The following PTPRD variants were observed in gnomAD, a reference collection of about 807,000 sequenced individuals.
PTPRD encodes protein tyrosine phosphatase receptor type D, also known as receptor-type tyrosine-protein phosphatase delta.
PTPRD carries 34 observed loss-of-function variants against 214.5 expected under a neutral mutation model. The ratio of observed to expected loss-of-function variants is 0.16; its 90% CI spans 0.12 to 0.21. The LOEUF is 0.21. PTPRD is among the 10% of genes least tolerant of loss of function. PTPRD has a pLI of 1.00. For missense variants in PTPRD, 2,545 were observed against 2,398.7 expected, an observed-to-expected ratio of 1.06 and a Z score of -1.27; for synonymous variants, 1,128 against 845.7, an observed-to-expected ratio of 1.33 and a Z score of -5.79.
intron 39 of PTPRD, among the ~76,000 whole-genome samples, chr9:8,367,274 C>A (rs1233589453): frequency 1.3e-5 from 2 of 151,788 alleles, no homozygotes; most frequent in Non-Finnish European, 2.9e-5. Flanking sequence ...TCGTTTGGAC[C>A]CAATAATTCT....
chr9:10,074,400 G>C (rs1052489311), intron 3 of PTPRD, among the ~76,000 whole-genome samples: 15 of 152,076 alleles, frequency 9.9e-5, no homozygotes, highest in African/African-American at 3.1e-4. Context: ...CTCTATTCCA[G>C]TCCCTCATCA....
intron 7 of PTPRD, among the ~76,000 whole-genome samples, chr9:9,615,170 G>T (rs968020990): frequency 2.0e-5 from 3 of 152,144 alleles, no homozygotes; most frequent in African/African-American, 7.2e-5. Context: ...TGGACTCCCT[G>T]GGCAAGCCCT....
intron 3 of PTPRD, among the ~76,000 whole-genome samples, chr9:10,184,739 G>T (rs960695154): frequency 1.2e-4 from 18 of 152,050 alleles, no homozygotes; most frequent in Non-Finnish European, 2.2e-4. Flanking sequence ...AATATGTGGG[G>T]GCAGAATAAG....
chr9:8,651,288 G>A (rs1000891191), intron 12 of PTPRD, among the ~76,000 whole-genome samples: 1 of 152,086 alleles, frequency 6.6e-6, no homozygotes, highest in African/African-American at 2.4e-5. Context: ...GAGCTATTTG[G>A]GGGTACAAAA....
At chr9:9,464,273 C>G (rs1407080567) in intron 8 of PTPRD, among the ~76,000 whole-genome samples, 1 of 152,132 alleles carries the variant, frequency 6.6e-6, no homozygotes, top group East Asian at 1.9e-4. Context: ...GGTAATCTTT[C>G]AACCTTTTCT....
chr9:9,004,125 A>C (rs916893831), intron 11 of PTPRD, among the ~76,000 whole-genome samples: 8 of 152,018 alleles, frequency 5.3e-5, no homozygotes, highest in Non-Finnish European at 1.5e-5. Context: ...GTTTGAAAGA[A>C]TTTAAGGTAA....
intron 8 of PTPRD, among the ~76,000 whole-genome samples, chr9:9,528,138 G>A (rs113010975): frequency 0.015 from 2,332 of 152,322 alleles, 51 homozygotes; most frequent in African/African-American, 0.053. Context: ...ACAGGGCAGA[G>A]TAAGAGAGAG....
chr9:9,296,259 T>C (rs986468921), intron 9 of PTPRD, among the ~76,000 whole-genome samples: 1 of 151,784 alleles, frequency 6.6e-6, no homozygotes, highest in Non-Finnish European at 1.5e-5. Flanking sequence ...ATTTTGACTT[T>C]ATATCTCCTT....
intron 3 of PTPRD, among the ~76,000 whole-genome samples, chr9:10,130,732 G>T (rs2098862857): frequency 6.6e-6 from 1 of 152,028 alleles, no homozygotes; most frequent in Non-Finnish European, 1.5e-5. Flanking sequence ...ACAAGAAAGG[G>T]TATTATGCTA....
chr9:9,071,970 C>G (rs1013610402), intron 10 of PTPRD, among the ~76,000 whole-genome samples: 2 of 152,140 alleles, frequency 1.3e-5, no homozygotes, highest in Non-Finnish European at 2.9e-5. Context: ...AGTCTTGCTT[C>G]ACACATCACA....
intron 7 of PTPRD, among the ~76,000 whole-genome samples, chr9:9,715,745 G>C (rs1595883110): frequency 6.6e-6 from 1 of 152,142 alleles, no homozygotes; most frequent in Non-Finnish European, 1.5e-5. Context: ...ATTTCAAAGA[G>C]AGGTTAATCA....
At chr9:9,029,585 A>T (rs1195007516) in intron 10 of PTPRD, among the ~76,000 whole-genome samples, 2 of 151,936 alleles carry the variant, frequency 1.3e-5, no homozygotes, top group African/African-American at 4.8e-5. Context: ...CTAGGCATGG[A>T]GACAGGAAGA....
At chr9:9,922,019 G>A (rs2082690918) in intron 5 of PTPRD, among the ~76,000 whole-genome samples, 1 of 152,092 alleles carries the variant, frequency 6.6e-6, no homozygotes, top group Admixed American at 6.6e-5. Context: ...AAATTGTGGA[G>A]GATGGGAAGC....
intron 2 of PTPRD, among the ~76,000 whole-genome samples, chr9:10,466,052 C>T (rs1031928638): frequency 6.6e-6 from 1 of 152,168 alleles, no homozygotes; most frequent in African/African-American, 2.4e-5. Context: ...TAGCAATTCT[C>T]AATTTGCAGT....
chr9:10,103,794 T>C (rs113452832), intron 3 of PTPRD, among the ~76,000 whole-genome samples: 242 of 151,744 alleles, frequency 1.6e-3, no homozygotes, highest in African/African-American at 5.5e-3. Context: ...CAATATATCA[T>C]GTTCTTGCTT....
intron 24 of PTPRD, among the ~76,000 whole-genome samples, 171 bp downstream of exon 24, chr9:8,500,583 A>AAAAAAAAAAAAAAAAAAAAAAG (rs1563868169): frequency 2.7e-5 from 4 of 146,318 alleles, no homozygotes; most frequent in African/African-American, 7.6e-5. Flanking sequence ...AAAAAAAAAA[A>AAAAAAAAAAAAAAAAAAAAAAG]AAAAAAAGGC....
intron 3 of PTPRD, among the ~76,000 whole-genome samples, chr9:10,106,685 T>C (rs1046963345): frequency 6.6e-6 from 1 of 151,724 alleles, no homozygotes; most frequent in African/African-American, 2.4e-5. Flanking sequence ...GAGATGTATT[T>C]AGAAAAAAAA....
At chr9:9,765,143 G>T (rs1179704928) in intron 6 of PTPRD, among the ~76,000 whole-genome samples, 1 of 152,006 alleles carries the variant, frequency 6.6e-6, no homozygotes, top group African/African-American at 2.4e-5. Flanking sequence ...TATGGAAAAT[G>T]ACCAAAAAAT....
intron 10 of PTPRD, among the ~76,000 whole-genome samples, chr9:9,042,376 C>A (rs1295455498): frequency 6.6e-6 from 1 of 152,104 alleles, no homozygotes; most frequent in Non-Finnish European, 1.5e-5. Flanking sequence ...TAGGACAATT[C>A]CAACTGGGAT....
Sources: gnomAD v4.1 joint callset for allele counts (sites outside exome capture counted in the v4.1 genomes callset) on GRCh38, gnomAD v4.1.1 for gene constraint, MANE v1.5 for transcripts, NCBI Gene and HGNC (gene_info 2026-07-23, HGNC 2026-07-21) for gene names.